NCK1: variants seen among roughly 807,000 people sequenced by gnomAD.
NCK1 encodes the protein SH2/SH3 adapter protein NCK1.
NCK1 carries 19 observed loss-of-function variants against 36.6 expected under a neutral mutation model. That is an observed-to-expected ratio of 0.52 (90% confidence interval 0.36 to 0.76). The LOEUF is 0.76. Among genes scored for constraint, NCK1 ranks in the 30% least tolerant of loss-of-function variants. NCK1 has a pLI of 0.00. For synonymous variants in NCK1, 165 were observed against 156.0 expected, an observed-to-expected ratio of 1.06 and a Z score of -0.43; for missense variants, 358 against 445.6, an observed-to-expected ratio of 0.80 and a Z score of 1.77.
chr3:136,884,633 G>C (rs1576950898), intron 1 of NCK1, among the ~76,000 whole-genome samples: 1 of 151,870 alleles, frequency 6.6e-6, no homozygotes, highest in Non-Finnish European at 1.5e-5. Context: ...TAGAGATGGG[G>C]TTTCATCATG....
intron 3 of NCK1, among the ~76,000 whole-genome samples, chr3:136,946,731 A>G (rs1021052453): frequency 1.3e-5 from 2 of 152,222 alleles, no homozygotes; most frequent in Admixed American, 6.5e-5. Flanking sequence ...CTGAATTTAA[A>G]AAATTGATAT....
At chr3:136,942,684 A>G (rs1360758113) in intron 2 of NCK1, among the ~76,000 whole-genome samples, 1 of 152,140 alleles carries the variant, frequency 6.6e-6, no homozygotes, top group African/African-American at 2.4e-5. Flanking sequence ...AGCCCTGGCC[A>G]TGTGCACGTC....
rs1182422767 is a variant in NCK1 at position 136,949,431 on chromosome 3, T to C, written c.*978T>C. The C allele has an allele frequency of 6.6e-6, 1 of 151,950 alleles. No individual in the cohort carries two copies. The highest frequency in any genetic ancestry group is 2.4e-5 in the African/African-American group (1 of 41,426). The allele number at this position is 151,950 out of a possible 1,614,324, so 9.4% of individuals were successfully genotyped here. A position where few individuals can be genotyped will look rare whatever the true frequency, so the allele number is the denominator to read the frequency against. On this transcript the variant is annotated 3_prime_UTR_variant, in exon 4 of 4. Coordinates refer to ENST00000481752, the MANE Select transcript of NCK1 (RefSeq NM_001291999.2). ...TCTTTTCAGCTTTAAGTTTTGTTGA[T>C]TGGGACACTAAAACTGATGTATACC...
chr3:136,876,949 A>G (rs868028497), intron 1 of NCK1, among the ~76,000 whole-genome samples: 2 of 152,172 alleles, frequency 1.3e-5, no homozygotes, highest in Middle Eastern at 3.2e-3. Flanking sequence ...AAGACATTCC[A>G]ATTTACACCT....
chr3:136,923,424 C>T lies in NCK1; in HGVS notation c.-18-4560C>T, dbSNP rs556357468. 1.1e-4 allele frequency among the ~76,000 whole-genome samples: 17 copies of T among 152,004 alleles called. No homozygotes were observed. The East Asian group carries it at 1.9e-3, about 17-fold the overall frequency. ...CAAAAAAATTAGCCGGGCATGGTGG[C>T]GGGCACCTGTAGTCCCGGCTACTCG... is the stretch of plus-strand genomic sequence containing the variant. On this transcript the variant is annotated intron_variant, in intron 1 of 3. Transcript: ENST00000481752.
intron 1 of NCK1, among the ~76,000 whole-genome samples, chr3:136,869,099 C>T (rs1385428792): frequency 6.6e-6 from 1 of 151,360 alleles, no homozygotes; most frequent in East Asian, 2.0e-4. Context: ...AATGAGCCCA[C>T]TGTGGTGGTG....
chr3:136,872,082 A>G (rs1412860787), intron 1 of NCK1, among the ~76,000 whole-genome samples: 2 of 152,238 alleles, frequency 1.3e-5, no homozygotes, highest in Non-Finnish European at 2.9e-5. Context: ...GAAAATGTGG[A>G]AGCAACTTTG....
At chr3:136,870,049 TTA>T (rs1491097951) in intron 1 of NCK1, among the ~76,000 whole-genome samples, 1 of 106,734 alleles carries the variant, frequency 9.4e-6, no homozygotes, top group Non-Finnish European at 2.5e-5. Context: ...TTTTTTTTTT[TTA>T]AAAGAATCAT....
At chr3:136,920,938 G>A (rs754236805) in intron 1 of NCK1, among the ~76,000 whole-genome samples, 1 of 152,094 alleles carries the variant, frequency 6.6e-6, no homozygotes, top group Non-Finnish European at 1.5e-5. Flanking sequence ...CAAATGTTAT[G>A]AACTGAATTT....
intron 1 of NCK1, among the ~76,000 whole-genome samples, chr3:136,879,079 A>C (rs1305537019): frequency 6.6e-6 from 1 of 152,006 alleles, no homozygotes; most frequent in Non-Finnish European, 1.5e-5. Context: ...AGCTTCTCAT[A>C]TAAGAAACCT....
chr3:136,896,672 AT>A (rs892365392), intron 1 of NCK1, among the ~76,000 whole-genome samples: 2 of 151,820 alleles, frequency 1.3e-5, no homozygotes, highest in Non-Finnish European at 2.9e-5. Context: ...TTAAAAAAGA[AT>A]TTTTTTTGTA....
chr3:136,887,408 C>T (rs767031974), intron 1 of NCK1, among the ~76,000 whole-genome samples: 32 of 152,022 alleles, frequency 2.1e-4, no homozygotes, highest in Admixed American at 1.8e-3. Flanking sequence ...CTAAGTAAGA[C>T]TGGTAGTTTG....
chr3:136,902,776 C>T (rs73231943), intron 1 of NCK1, among the ~76,000 whole-genome samples: 11,782 of 152,156 alleles, frequency 0.077, 477 homozygotes, highest in Non-Finnish European at 0.096. Context: ...CAAACTGTCC[C>T]CCTTTGCTGA....
intron 1 of NCK1, among the ~76,000 whole-genome samples, chr3:136,898,640 A>ATTTTTAAGTT (rs1939454649): frequency 6.6e-6 from 1 of 152,242 alleles, no homozygotes; most frequent in Non-Finnish European, 1.5e-5. Flanking sequence ...AAAACTGATA[A>ATTTTTAAGTT]TATAGCTTAA....
At chr3:136,900,935 C>G (rs1327376351) in intron 1 of NCK1, among the ~76,000 whole-genome samples, 1 of 152,122 alleles carries the variant, frequency 6.6e-6, no homozygotes, top group African/African-American at 2.4e-5. Context: ...CTGGCTAGGA[C>G]TTGCAGTACT....
chr3:136,898,133 C>T (rs1309270117), intron 1 of NCK1, among the ~76,000 whole-genome samples: 1 of 152,084 alleles, frequency 6.6e-6, no homozygotes, highest in African/African-American at 2.4e-5. Flanking sequence ...CAGTGGCTCA[C>T]ACCTGTAATC....
At chr3:136,928,251 G>A in intron 2 of NCK1, 24 bp downstream of exon 2, 1 of 1,569,962 alleles carries the variant, frequency 6.4e-7, no homozygotes, top group Non-Finnish European at 8.6e-7. Flanking sequence ...TAAAAGAAAA[G>A]CAACTTTGTT....
intron 1 of NCK1, among the ~76,000 whole-genome samples, chr3:136,890,374 C>T (rs1035422569): frequency 6.6e-5 from 10 of 152,022 alleles, no homozygotes; most frequent in Admixed American, 3.9e-4. Context: ...TTCCCGCTGG[C>T]GCCTCTCCCT....
intron 2 of NCK1, 121 bp from the exon 3 acceptor site, chr3:136,945,462 T>C: frequency 3.1e-6 from 2 of 647,188 alleles, no homozygotes; most frequent in African/African-American, 1.9e-5. Flanking sequence ...AAATTTGTTA[T>C]ATTTAAAAGC....
Sources: gnomAD v4.1 joint callset for allele counts (sites outside exome capture counted in the v4.1 genomes callset) on GRCh38, gnomAD v4.1.1 for gene constraint, MANE v1.5 for transcripts, NCBI Gene and HGNC (gene_info 2026-07-23, HGNC 2026-07-21) for gene names.